The following BLTP2 variants were observed in gnomAD, a reference collection of about 807,000 sequenced individuals.
BLTP2 encodes the protein U937-associated antigen.
the BLTP2 span, chr17:28,639,575 C>A: frequency 6.2e-7 from 1 of 1,614,084 alleles, no homozygotes; most frequent in Non-Finnish European, 8.5e-7. Context: ...ATCATCACAC[C>A]TGCACACTAG....
chr17:28,640,675 C>T, the BLTP2 span: 2 of 1,613,950 alleles, frequency 1.2e-6, no homozygotes, highest in Non-Finnish European at 1.7e-6. Flanking sequence ...ACTAAGTTTT[C>T]TGTCACCTCT....
chr17:28,627,386 T>G, the BLTP2 span, among the ~76,000 whole-genome samples: 1 of 151,844 alleles, frequency 6.6e-6, no homozygotes, highest in African/African-American at 2.4e-5. Flanking sequence ...TATTCCCCCC[T>G]TCACTCCTGT....
At chr17:28,632,198 G>A in the BLTP2 span, 5 of 1,613,864 alleles carry the variant, frequency 3.1e-6, no homozygotes, top group East Asian at 2.2e-5. Flanking sequence ...TGCATCCAGC[G>A]CAGGGTACTA....
the BLTP2 span, chr17:28,621,615 G>A: frequency 1.3e-5 from 9 of 712,264 alleles, no homozygotes; most frequent in Admixed American, 1.0e-4. Context: ...GACCTCCACT[G>A]CATGGAATAG....
the BLTP2 span, chr17:28,644,025 C>A: frequency 6.2e-7 from 1 of 1,611,334 alleles, no homozygotes; most frequent in South Asian, 1.1e-5. Flanking sequence ...TGGATCAACC[C>A]TACACACATA....
At chr17:28,633,120 C>A in the BLTP2 span, 1 of 1,587,408 alleles carries the variant, frequency 6.3e-7, no homozygotes. Flanking sequence ...GGTCCAGTGT[C>A]ATGCAGAGGT....
At chr17:28,619,737 G>C in the BLTP2 span, 1 of 1,613,844 alleles carries the variant, frequency 6.2e-7, no homozygotes, top group Non-Finnish European at 8.5e-7. Context: ...TCTGGTTCAG[G>C]TCAAGCAGAT....
chr17:28,628,847 T>C, the BLTP2 span, among the ~76,000 whole-genome samples: 3 of 151,474 alleles, frequency 2.0e-5, no homozygotes, highest in Non-Finnish European at 4.4e-5. Flanking sequence ...GGCAGGAGAA[T>C]CGCTTGAACC....
At chr17:28,626,093 A>T in the BLTP2 span, among the ~76,000 whole-genome samples, 1 of 152,102 alleles carries the variant, frequency 6.6e-6, no homozygotes, top group Non-Finnish European at 1.5e-5. Context: ...CTGAGACACC[A>T]TGATAGTTTC....
the BLTP2 span, chr17:28,617,021 A>C: frequency 1.3e-6 from 2 of 1,561,254 alleles, no homozygotes; most frequent in African/African-American, 2.7e-5. Flanking sequence ...AGAGTAAAGA[A>C]GAGCCCAACC....
At chr17:28,624,335 T>C in the BLTP2 span, 1 of 1,614,152 alleles carries the variant, frequency 6.2e-7, no homozygotes, top group East Asian at 2.2e-5. Flanking sequence ...ATTCCTCTTC[T>C]GTGAACACTA....
the BLTP2 span, chr17:28,640,166 AG>A: frequency 3.4e-6 from 3 of 872,166 alleles, no homozygotes; most frequent in Non-Finnish European, 5.1e-6. Flanking sequence ...AGGCCGAGGC[AG>A]GGGGATCACG....
the BLTP2 span, chr17:28,643,530 C>T: frequency 6.9e-7 from 1 of 1,459,660 alleles, no homozygotes; most frequent in Non-Finnish European, 9.6e-7. Flanking sequence ...ATTGTGATGC[C>T]TCTGCAGAAG....
chr17:28,639,352 C>T, the BLTP2 span: 3 of 1,614,142 alleles, frequency 1.9e-6, no homozygotes, highest in African/African-American at 2.7e-5. Context: ...GAACTAGACC[C>T]TTGGGTTTCC....
At chr17:28,615,808 G>A in the BLTP2 span, 1 of 1,612,610 alleles carries the variant, frequency 6.2e-7, no homozygotes, top group Middle Eastern at 1.7e-4. Flanking sequence ...CCTGTAAGAG[G>A]AGGGGGAGGG....
chr17:28,623,548 G>C, the BLTP2 span, among the ~76,000 whole-genome samples: 5 of 149,702 alleles, frequency 3.3e-5, no homozygotes, highest in African/African-American at 1.3e-4. Flanking sequence ...TGAGAAATGA[G>C]AGTTTCTTTT....
At chr17:28,638,709 T>A in the BLTP2 span, 6 of 890,854 alleles carry the variant, frequency 6.7e-6, no homozygotes, top group Non-Finnish European at 1.1e-5. Flanking sequence ...TGGAACAGTT[T>A]CTGAAGCTCT....
At chr17:28,636,755 G>C in the BLTP2 span, among the ~76,000 whole-genome samples, 1 of 152,206 alleles carries the variant, frequency 6.6e-6, no homozygotes. Context: ...GTTAAAAAGA[G>C]AGGCTGGGCG....
chr17:28,614,538 C>G, the BLTP2 span: 11 of 181,100 alleles, frequency 6.1e-5, no homozygotes, highest in Admixed American at 1.1e-4. Flanking sequence ...CCATGGCCAG[C>G]CCTGGCTCCT....
Sources: allele counts gnomAD v4.1 joint callset (sites outside exome capture counted in the v4.1 genomes callset), GRCh38; gene constraint gnomAD v4.1.1; transcripts MANE v1.5; gene names NCBI Gene and HGNC (gene_info 2026-07-23, HGNC 2026-07-21).